CYP4F2: variants seen among roughly 807,000 people sequenced by gnomAD.
CYP4F2 encodes cytochrome P450 4F2.
In CYP4F2, 58 loss-of-function variants were observed where a neutral mutation model predicts 58.9. The ratio of observed to expected loss-of-function variants is 0.98; its 90% CI spans 0.80 to 1.23. The LOEUF is 1.23. CYP4F2 is among the 50% of genes most tolerant of loss of function. The pLI, the probability that CYP4F2 is intolerant of heterozygous loss-of-function variation, is 0.00. For synonymous variants in CYP4F2, 287 were observed against 261.1 expected (o/e 1.10, Z -0.95); for missense variants, 616 against 685.6 (o/e 0.90, Z 1.13).
chr19:15,880,212 T>A (rs2089335385), intron 9 of CYP4F2, among the ~76,000 whole-genome samples: 1 of 152,106 alleles, frequency 6.6e-6, no homozygotes, highest in African/African-American at 2.4e-5. Flanking sequence ...AAAAAGTGGA[T>A]CAATTTAACT....
In CYP4F2 at chr19:15,897,498, G is replaced by A. The variant is rs1335939544; in HGVS notation, c.114C>T (p.Thr38=). 1.2e-6 allele frequency: 2 copies of A among 1,614,016 alleles called. No homozygotes were observed. Among genetic ancestry groups the A allele is most frequent in the Non-Finnish European group, 1.7e-6 (2 of 1,179,968 alleles). The change falls in exon 2 of 13, where the codon ACC becomes ACT. Residue 38 remains threonine, a synonymous_variant. Coordinates refer to ENST00000221700, the MANE Select transcript of CYP4F2 (RefSeq NM_001082.5). The part of the protein sequence containing the change: ...SWLLAHVLAW[T]YAFYDNCRRL... ...GGCGGCAGTTGTCATAGAAGGCGTA[G>A]GTCCAGGCCAGGACATGGGCCAGGA... is the stretch of plus-strand genomic sequence containing the variant.
intron 5 of CYP4F2, among the ~76,000 whole-genome samples, chr19:15,890,704 T>A (rs992281290): frequency 6.6e-6 from 1 of 152,188 alleles, no homozygotes; most frequent in African/African-American, 2.4e-5. Context: ...CCCTCCCCTA[T>A]ATCCTGCCTG....
intron 3 of CYP4F2, among the ~76,000 whole-genome samples, chr19:15,892,843 C>T (rs2089425150): frequency 6.6e-6 from 1 of 152,096 alleles, no homozygotes; most frequent in South Asian, 2.1e-4. Flanking sequence ...CCTTGACATG[C>T]CTCCTACACG....
In CYP4F2 at chr19:15,878,676, C is replaced by T; in HGVS notation, c.*95G>A. On this transcript the variant is annotated 3_prime_UTR_variant, in exon 13 of 13. Transcript: ENST00000221700. ...TTGAGTAGATATCTAGGATGGAATA[C>T]AGGACTGTGGAACAGGGTCTTAGGG... 3 of 1,505,530 alleles carry T rather than the reference C, an allele frequency of 2.0e-6. No individual in the cohort carries two copies. Among genetic ancestry groups the T allele is most frequent in the African/African-American group, 2.8e-5 (2 of 71,902 alleles). 93.3% of individuals were successfully genotyped at this position (1,505,530 alleles called of 1,614,324 possible). A position where few individuals can be genotyped will look rare whatever the true frequency, so the allele number is the denominator to read the frequency against.
intron 2 of CYP4F2, among the ~76,000 whole-genome samples, chr19:15,896,042 A>G (rs1318211868): frequency 2.6e-5 from 4 of 151,360 alleles, no homozygotes; most frequent in African/African-American, 9.8e-5. Flanking sequence ...CCATGCATCC[A>G]TATGTCCTAT....
intron 9 of CYP4F2, among the ~76,000 whole-genome samples, chr19:15,885,061 C>T (rs568773756): frequency 1.3e-5 from 2 of 152,126 alleles, no homozygotes; most frequent in Non-Finnish European, 2.9e-5. Flanking sequence ...CTCTCCCCTT[C>T]TCCTCCTTTC....
chr19:15,891,967 T>C (rs2089418811), intron 5 of CYP4F2, among the ~76,000 whole-genome samples: 1 of 152,188 alleles, frequency 6.6e-6, no homozygotes, highest in Non-Finnish European at 1.5e-5. Flanking sequence ...TAAACACTTA[T>C]TGGTTTAAAC....
chr19:15,883,798 T>G (rs1343432104), intron 9 of CYP4F2, among the ~76,000 whole-genome samples: 8 of 152,166 alleles, frequency 5.3e-5, no homozygotes. Flanking sequence ...CGGTGGCTCA[T>G]GCCTGTAATC....
chr19:15,895,678 T>C, intron 2 of CYP4F2, 28 bp from the exon 3 acceptor site: 2 of 1,580,550 alleles, frequency 1.3e-6, no homozygotes, highest in Non-Finnish European at 1.7e-6. Context: ...GTCATTACCT[T>C]CTGTGATAGT....
Position 15,890,350 on chromosome 19 carries a change from T to C in CYP4F2, c.609A>G (p.Leu203=), listed in dbSNP as rs2145009798. 2 of 1,614,128 alleles carry C rather than the reference T, an allele frequency of 1.2e-6. No homozygotes were observed. Among genetic ancestry groups the C allele is most frequent in the East Asian group, 2.2e-5 (1 of 44,858 alleles). The change falls in exon 6 of 13, where the codon CTA becomes CTG. Residue 203 remains leucine, a synonymous_variant. Transcript: ENST00000221700. ...TGTCAAAGCTGAAGACACATTTCTG[T>C]AGACTGTCCAAGGTCATGAGGCTGA... is the stretch of plus-strand genomic sequence containing the variant. ...EHISLMTLDS[L]QKCVFSFDSH...
chr19:15,878,699 G>T lies in CYP4F2; in HGVS notation c.*72C>A, dbSNP rs4646502. The T allele has an allele frequency of 1.1e-4, 177 of 1,587,040 alleles. No homozygotes were observed. The East Asian group carries it at 3.9e-3, about 35-fold the overall frequency. On this transcript the variant is annotated 3_prime_UTR_variant, in exon 13 of 13. Coordinates refer to ENST00000221700, the MANE Select transcript of CYP4F2 (RefSeq NM_001082.5). ...TACAGGACTGTGGAACAGGGTCTTA[G>T]GGTAATTCTAGGCTTCACTTTTGAT... is the stretch of plus-strand genomic sequence containing the variant.
rs745455806 is a variant in CYP4F2, at chr19:15,895,575, T to C, written c.274A>G (p.Met92Val). Residue 92 changes from methionine to valine, a missense_variant, in exon 3 of 13, where the codon ATG (methionine) becomes GTG (valine). Transcript: ENST00000221700. ...ATYPQGFKVW[M>V]GPISPLLSLC... is the part of the protein sequence containing the mutation. ...CTGAGGAGGGGGGAGATGGGTCCCA[T>C]CCAGACCTTAAAGCCCTGGGGGTAG... The C allele has an allele frequency of 6.3e-6, 10 of 1,587,400 alleles. No individual in the cohort carries two copies. The East Asian group carries it at 2.1e-4, about 34-fold the overall frequency.
rs201380574 is a variant in CYP4F2 at position 15,897,466 on chromosome 19, C to T, written c.146G>A (p.Arg49Gln). The T allele has an allele frequency of 1.5e-4, 237 of 1,613,836 alleles. 3 individuals are homozygous for T. Among genetic ancestry groups the T allele is most frequent in the East Asian group, 1.0e-3 (47 of 44,846 alleles). The change falls in exon 2 of 13, where the codon CGG (arginine) becomes CAG (glutamine). Residue 49 changes from arginine (R) to glutamine (Q), a missense_variant. Physicochemically the swap from Arg to Gln is conservative, Grantham distance 43. Transcript: ENST00000221700. ...YAFYDNCRRL[R>Q]CFPQPPRRNW... ...CCGTCTTGGGGGTTGTGGGAAACACCGAAGGCGGCGGCAGTTGTCATAGAA... is the reference window on the plus strand; with the variant it reads ...CCGTCTTGGGGGTTGTGGGAAACACTGAAGGCGGCGGCAGTTGTCATAGAA...
rs1421411805 is a variant in CYP4F2 at position 15,892,594 on chromosome 19, G to T, written c.344-12C>A. ...TGGTGCAATGGCAGCTGACATAAAT[G>T]AGGACAATCAGGGGCCATGGAGGCA... is the stretch of plus-strand genomic sequence containing the variant. On this transcript the variant is annotated splice_polypyrimidine_tract_variant and intron_variant, in intron 3 of 12. Transcript: ENST00000221700. The T allele has an allele frequency of 6.2e-7, 1 of 1,612,962 alleles. No individual in the cohort carries two copies. The highest frequency in any genetic ancestry group is 1.7e-5 in the Admixed American group (1 of 59,924).
At chr19:15,887,371 C>T (rs997665109) in intron 7 of CYP4F2, among the ~76,000 whole-genome samples, 3 of 150,582 alleles carry the variant, frequency 2.0e-5, no homozygotes, top group Non-Finnish European at 4.4e-5. Context: ...CACAGACATA[C>T]GCACACATAC....
chr19:15,882,447 AAG>A (rs1427131745), intron 9 of CYP4F2, among the ~76,000 whole-genome samples: 1 of 152,136 alleles, frequency 6.6e-6, no homozygotes, highest in Non-Finnish European at 1.5e-5. Flanking sequence ...TGAAATTGCT[AAG>A]AGAGTAAATT....
At chr19:15,894,599 A>T (rs2089437591) in intron 3 of CYP4F2, among the ~76,000 whole-genome samples, 1 of 152,150 alleles carries the variant, frequency 6.6e-6, no homozygotes, top group African/African-American at 2.4e-5. Context: ...AAGTCAATAG[A>T]TTATCTTTCT....
At chr19:15,896,686 G>A (rs1032681979) in intron 2 of CYP4F2, among the ~76,000 whole-genome samples, 3 of 152,132 alleles carry the variant, frequency 2.0e-5, no homozygotes, top group African/African-American at 7.2e-5. Context: ...CTCCCACCTG[G>A]GAGCAGCTTC....
At chr19:15,889,098 A>G (rs1024343076) in intron 7 of CYP4F2, among the ~76,000 whole-genome samples, 10 of 152,258 alleles carry the variant, frequency 6.6e-5, no homozygotes, top group South Asian at 6.2e-4. Flanking sequence ...TCAAACAGAG[A>G]CAAAGATATA....
Sources: gnomAD v4.1 joint callset for allele counts (sites outside exome capture counted in the v4.1 genomes callset) on GRCh38, gnomAD v4.1.1 for gene constraint, MANE v1.5 for transcripts, NCBI Gene and HGNC (gene_info 2026-07-23, HGNC 2026-07-21) for gene names.